The following DCAF8L2 variants were observed in gnomAD, a reference collection of about 807,000 sequenced individuals.
The protein encoded by DCAF8L2 is DDB1- and CUL4-associated factor 8-like protein 2.
For missense variants in DCAF8L2, 430 were observed against 490.7 expected (o/e 0.88, Z 1.17); for synonymous variants, 200 against 190.9 (o/e 1.05, Z -0.39).
the DCAF8L2 span, among the ~76,000 whole-genome samples, chrX:27,535,072 C>T: frequency 8.9e-6 from 1 of 112,262 alleles, no homozygotes; most frequent in East Asian, 2.8e-4. Context: ...CTAGTCTTTA[C>T]ACTAACATTC....
the DCAF8L2 span, among the ~76,000 whole-genome samples, chrX:27,523,585 T>C: frequency 4.5e-5 from 5 of 110,960 alleles, no homozygotes; most frequent in Non-Finnish European, 9.4e-5. Context: ...ATCATAGATA[T>C]ATTTAACATT....
At chrX:27,565,462 TTTAA>T in the DCAF8L2 span, among the ~76,000 whole-genome samples, 1 of 111,963 alleles carries the variant, frequency 8.9e-6, no homozygotes, top group Non-Finnish European at 1.9e-5. Flanking sequence ...TTTGCTAGTA[TTTAA>T]TTGAGGATTT....
At chrX:27,477,567 G>GT in the DCAF8L2 span, among the ~76,000 whole-genome samples, 1 of 111,830 alleles carries the variant, frequency 8.9e-6, no homozygotes. Context: ...GATTACAGGC[G>GT]TGAGCCACTG....
the DCAF8L2 span, among the ~76,000 whole-genome samples, chrX:27,585,199 T>C: frequency 9.0e-6 from 1 of 111,470 alleles, no homozygotes; most frequent in Non-Finnish European, 1.9e-5. Context: ...GAAACTGCTC[T>C]CATAATAGCC....
chrX:27,606,474 G>C (rs1276872058), intron 1 of DCAF8L2, among the ~76,000 whole-genome samples: 1 of 99,678 alleles, frequency 1.0e-5, no homozygotes, highest in Admixed American at 1.1e-4. Context: ...AGGTTGAAGC[G>C]ATTCTCCTGC....
rs200784762 is a variant in DCAF8L2, at chrX:27,641,457, CCTTTTCTTTA to C, written c.-220+9467_-220+9476del. Among the ~76,000 whole-genome samples the C allele has an allele frequency of 8.8e-3, 656 of 74,656 alleles. 7 individuals are homozygous for C. Among genetic ancestry groups the C allele is most frequent in the East Asian group, 0.017 (38 of 2,221 alleles). 64.8% of individuals were successfully genotyped at this position (74,656 alleles called of 115,157 possible). On this transcript the variant is annotated intron_variant, in intron 2 of 4. Coordinates refer to ENST00000451261, the MANE Select transcript of DCAF8L2 (RefSeq NM_001353450.2). ...ATATTTCTTTTCTTTTCTTTTCTTT[CCTTTTCTTTA>C]CTTTTCTTTTTTTTTTTTTTTTGAG...
chrX:27,521,782 A>G, the DCAF8L2 span, among the ~76,000 whole-genome samples: 1 of 111,740 alleles, frequency 8.9e-6, no homozygotes, highest in African/African-American at 3.2e-5. Context: ...GAATTAGAAA[A>G]TGCGTCTATA....
chrX:27,488,961 G>C, the DCAF8L2 span, among the ~76,000 whole-genome samples: 1 of 111,431 alleles, frequency 9.0e-6, no homozygotes. Flanking sequence ...GAAAAGCCCA[G>C]GTTTTTAGTT....
intron 4 of DCAF8L2, among the ~76,000 whole-genome samples, chrX:27,733,074 G>T (rs755524449): frequency 1.3e-4 from 14 of 110,652 alleles, no homozygotes; most frequent in African/African-American, 4.6e-4. Flanking sequence ...AGCCAGGATG[G>T]TCTCGATCTC....
chrX:27,487,304 C>A, the DCAF8L2 span, among the ~76,000 whole-genome samples: 9 of 110,056 alleles, frequency 8.2e-5, no homozygotes, highest in African/African-American at 3.0e-4. Flanking sequence ...GTTTTTGAGA[C>A]GGAGTCTTGC....
At chrX:27,580,155 G>T in the DCAF8L2 span, among the ~76,000 whole-genome samples, 2 of 110,581 alleles carry the variant, frequency 1.8e-5, no homozygotes, top group African/African-American at 6.6e-5. Flanking sequence ...ACTAATCTAG[G>T]ACTCAAGTGA....
the DCAF8L2 span, among the ~76,000 whole-genome samples, chrX:27,577,656 G>A: frequency 3.3e-3 from 364 of 111,339 alleles, no homozygotes; most frequent in Non-Finnish European, 5.3e-3. Context: ...AAACCCTGTC[G>A]TCTTAGGCCA....
At chrX:27,570,670 G>A in the DCAF8L2 span, among the ~76,000 whole-genome samples, 1 of 111,788 alleles carries the variant, frequency 8.9e-6, no homozygotes, top group African/African-American at 3.3e-5. Context: ...GCAACCAAAA[G>A]AAAGACAGAA....
intron 3 of DCAF8L2, among the ~76,000 whole-genome samples, chrX:27,701,317 A>G (rs748201123): frequency 9.0e-6 from 1 of 111,628 alleles, no homozygotes; most frequent in East Asian, 2.8e-4. Context: ...TTGATAGTGG[A>G]TAGAACAAGT....
chrX:27,539,736 T>C, the DCAF8L2 span, among the ~76,000 whole-genome samples: 25 of 110,190 alleles, frequency 2.3e-4, no homozygotes, highest in African/African-American at 6.6e-4. Context: ...ATATATCCAG[T>C]GTAAAGTTTA....
At chrX:27,687,893 T>TTA (rs371901927) in intron 3 of DCAF8L2, among the ~76,000 whole-genome samples, 385 of 111,672 alleles carry the variant, frequency 3.4e-3, no homozygotes, top group African/African-American at 0.012. Context: ...CTGAAACTGT[T>TTA]ATTAGAGTTT....
chrX:27,607,157 G>A (rs1261987814), intron 1 of DCAF8L2, among the ~76,000 whole-genome samples: 1 of 111,697 alleles, frequency 9.0e-6, no homozygotes, highest in Admixed American at 9.6e-5. Context: ...AACTGATAAT[G>A]TTTATAAATT....
At chrX:27,664,555 G>A (rs1007243847) in intron 2 of DCAF8L2, among the ~76,000 whole-genome samples, 2 of 112,098 alleles carry the variant, frequency 1.8e-5, no homozygotes, top group Non-Finnish European at 3.8e-5. Context: ...TAAAATAATT[G>A]ATGAAGGTGG....
intron 3 of DCAF8L2, among the ~76,000 whole-genome samples, chrX:27,699,466 ATC>A (rs1313409100): frequency 2.7e-5 from 3 of 111,848 alleles, no homozygotes; most frequent in East Asian, 5.6e-4. Flanking sequence ...AGAAAAATAA[ATC>A]TCTGTAAAGT....
Sources: allele counts gnomAD v4.1 joint callset (sites outside exome capture counted in the v4.1 genomes callset), GRCh38; gene constraint gnomAD v4.1.1; transcripts MANE v1.5; gene names NCBI Gene and HGNC (gene_info 2026-07-23, HGNC 2026-07-21).